Variants in TOX3 observed in about 807,000 individuals in gnomAD.
TOX3 encodes CAG trinucleotide repeat-containing gene F9 protein.
TOX3 carries 22 observed loss-of-function variants against 64.3 expected under a neutral mutation model. The ratio of observed to expected loss-of-function variants is 0.34; its 90% confidence interval spans 0.24 to 0.49. The LOEUF is 0.49. Among genes scored for constraint, TOX3 ranks in the 20% least tolerant of loss-of-function variants. The pLI is 0.99. For missense variants in TOX3, 661 were observed against 714.4 expected (o/e 0.93, Z 0.85); for synonymous variants, 291 against 273.6 (o/e 1.06, Z -0.63).
intron 1 of TOX3, among the ~76,000 whole-genome samples, chr16:52,536,244 C>A (rs371241784): frequency 4.0e-5 from 6 of 151,492 alleles, no homozygotes; most frequent in African/African-American, 9.7e-5. Context: ...ATGCTATGAA[C>A]AAAATTATGA....
intron 4 of TOX3, among the ~76,000 whole-genome samples, chr16:52,449,474 C>T (rs1274376962): frequency 6.6e-6 from 1 of 152,114 alleles, no homozygotes; most frequent in Non-Finnish European, 1.5e-5. Flanking sequence ...AATCACTCTC[C>T]CAAGCAGAAT....
chr16:52,471,224 A>G (rs1199960300), intron 1 of TOX3, among the ~76,000 whole-genome samples: 1 of 152,190 alleles, frequency 6.6e-6, no homozygotes, highest in East Asian at 1.9e-4. Flanking sequence ...TATTTGGTAA[A>G]TCTGGCTACC....
chr16:52,439,739 T>G lies in TOX3; in HGVS notation c.1217A>C (p.Asn406Thr). The part of the protein sequence containing the change: ...QIVTSVTIAA[N>T]MPSNIGAPLI... ...TGGAGCCCCAATGTTCGAGGGCATG[T>G]TGGCTGCAATGGTGACTGATGTGAC... The change falls in exon 7 of 7, where the codon AAC (asparagine) becomes ACC (threonine). Residue 406 changes from asparagine (N) to threonine (T), a missense_variant. Coordinates refer to ENST00000219746, the MANE Select transcript of TOX3 (RefSeq NM_001080430.4). 1 of 1,613,964 alleles carries G rather than the reference T, an allele frequency of 6.2e-7. No individual in the cohort carries two copies. Among genetic ancestry groups the G allele is most frequent in the Non-Finnish European group, 8.5e-7 (1 of 1,179,880 alleles).
chr16:52,474,535 T>C (rs1251087789), intron 1 of TOX3, among the ~76,000 whole-genome samples: 2 of 151,806 alleles, frequency 1.3e-5, no homozygotes, highest in African/African-American at 4.8e-5. Flanking sequence ...GAGGATTGCT[T>C]GAGCCCAGGA....
At chr16:52,461,275 C>T (rs978832964) in intron 3 of TOX3, among the ~76,000 whole-genome samples, 11 of 152,094 alleles carry the variant, frequency 7.2e-5, no homozygotes, top group African/African-American at 2.7e-4. Context: ...TTAAAATACA[C>T]GTATTCACGA....
At chr16:52,539,858 G>T (rs1335449020) in intron 1 of TOX3, among the ~76,000 whole-genome samples, 1 of 152,092 alleles carries the variant, frequency 6.6e-6, no homozygotes, top group Non-Finnish European at 1.5e-5. Context: ...AATCGTTTCT[G>T]CTTCCTCTTT....
chr16:52,456,873 T>A (rs1960533725), intron 3 of TOX3, among the ~76,000 whole-genome samples: 1 of 152,146 alleles, frequency 6.6e-6, no homozygotes, highest in South Asian at 2.1e-4. Flanking sequence ...TTCTTTAACT[T>A]AAGAAGGCAA....
intron 2 of TOX3, among the ~76,000 whole-genome samples, chr16:52,464,672 C>T (rs1418771625): frequency 6.6e-6 from 1 of 152,108 alleles, no homozygotes. Context: ...TTGTGGTTTG[C>T]TTTTTTAATT....
rs1962880180 is a variant in TOX3 at position 52,532,874 on chromosome 16, G to A, written c.87+13763C>T. Among the ~76,000 whole-genome samples the A allele has an allele frequency of 2.0e-5, 3 of 152,118 alleles. No individual in the cohort carries two copies. The East Asian group carries it at 5.8e-4, about 29-fold the overall frequency. On this transcript the variant is annotated intron_variant, in intron 1 of 6. Transcript: ENST00000219746. ...GGGGACACAGAGGATAAAAGTGGGGGTAGGAGAAGTCAAGGACTCATCAGG... is the reference window on the plus strand; with the variant it reads ...GGGGACACAGAGGATAAAAGTGGGGATAGGAGAAGTCAAGGACTCATCAGG...
rs1466104438 is a variant in TOX3 at position 52,437,926 on chromosome 16, G to A, written c.*1299C>T. 2 of 152,370 alleles carry A rather than the reference G, an allele frequency of 1.3e-5. No homozygotes were observed. Among genetic ancestry groups the A allele is most frequent in the African/African-American group, 2.4e-5 (1 of 41,352 alleles). 9.4% of individuals were successfully genotyped at this position (152,370 alleles called of 1,614,324 possible). ...AATATCATATTTCCAATTGAAAAATGGAAGATGATGTTTGGGCTAAAACGA... is the reference window on the plus strand; with the variant it reads ...AATATCATATTTCCAATTGAAAAATAGAAGATGATGTTTGGGCTAAAACGA... On this transcript the variant is annotated 3_prime_UTR_variant, in exon 7 of 7. Transcript: ENST00000219746.
At chr16:52,513,663 T>C (rs1962370963) in intron 1 of TOX3, among the ~76,000 whole-genome samples, 1 of 152,166 alleles carries the variant, frequency 6.6e-6, no homozygotes, top group East Asian at 1.9e-4. Flanking sequence ...AAACCTCTAC[T>C]GAATAAAAGC....
intron 1 of TOX3, among the ~76,000 whole-genome samples, chr16:52,530,732 G>A (rs1962833553): frequency 6.7e-6 from 1 of 150,038 alleles, no homozygotes; most frequent in Admixed American, 6.7e-5. Flanking sequence ...CCTGATATAA[G>A]AATCTTCTAG....
chr16:52,522,180 A>AAAT (rs1164427216), intron 1 of TOX3, among the ~76,000 whole-genome samples: 1 of 152,206 alleles, frequency 6.6e-6, no homozygotes, highest in Non-Finnish European at 1.5e-5. Context: ...TATTTTCTCC[A>AAAT]AATAATAAAG....
chr16:52,536,168 T>C (rs1422744890), intron 1 of TOX3, among the ~76,000 whole-genome samples: 1 of 152,126 alleles, frequency 6.6e-6, no homozygotes, highest in Non-Finnish European at 1.5e-5. Flanking sequence ...AAGTTTACAT[T>C]TCAGTGGAAA....
At position 52,497,481 on chromosome 16, in the gene TOX3, A is replaced by G. The variant is rs148824267; in HGVS notation, c.88-28907T>C. On this transcript the variant is annotated intron_variant, in intron 1 of 6. Coordinates refer to ENST00000219746, the MANE Select transcript of TOX3 (RefSeq NM_001080430.4). ...GCTGTACAAGATTCCAATTTGTGGA[A>G]ATGTTGCTCTCTGCTACTGCCAGAA... Among the ~76,000 whole-genome samples the G allele has an allele frequency of 3.3e-5, 5 of 152,320 alleles. No homozygotes were observed. The East Asian group carries it at 7.7e-4, about 23-fold the overall frequency.
At chr16:52,464,952 C>G (rs186326393) in intron 2 of TOX3, among the ~76,000 whole-genome samples, 1 of 146,470 alleles carries the variant, frequency 6.8e-6, no homozygotes, top group East Asian at 2.0e-4. Context: ...TGATGCTGTT[C>G]GCTTACTTAG....
chr16:52,468,101 G>A (rs1232130648), intron 2 of TOX3, among the ~76,000 whole-genome samples: 1 of 152,080 alleles, frequency 6.6e-6, no homozygotes, highest in Non-Finnish European at 1.5e-5. Context: ...ACAACTTAAT[G>A]ACACTTAATT....
intron 1 of TOX3, among the ~76,000 whole-genome samples, chr16:52,512,886 C>A (rs1962347814): frequency 6.6e-6 from 1 of 152,032 alleles, no homozygotes; most frequent in Non-Finnish European, 1.5e-5. Context: ...AAGATGTGAG[C>A]TTGCAGGGGA....
At chr16:52,501,601 A>G (rs1348798698) in intron 1 of TOX3, among the ~76,000 whole-genome samples, 1 of 151,952 alleles carries the variant, frequency 6.6e-6, no homozygotes, top group Admixed American at 6.6e-5. Context: ...CGGAGGTTTC[A>G]GTGAGTCGAC....
Sources: allele counts gnomAD v4.1 joint callset (sites outside exome capture counted in the v4.1 genomes callset), GRCh38; gene constraint gnomAD v4.1.1; transcripts MANE v1.5; gene names NCBI Gene and HGNC (gene_info 2026-07-23, HGNC 2026-07-21).